Variants in ZFAT observed in about 807,000 individuals in gnomAD.
ZFAT encodes the protein zinc finger protein ZFAT.
ZFAT carries 64 observed loss-of-function variants against 117.7 expected under a neutral mutation model. That is an observed-to-expected ratio of 0.54 (90% CI 0.44 to 0.67). ZFAT has a LOEUF of 0.67. Ranked by LOEUF, ZFAT falls within the 30% of genes least tolerant of loss-of-function variation. ZFAT has a pLI of 0.00. For synonymous variants in ZFAT, 679 were observed against 615.0 expected (o/e 1.10, Z -1.54); for missense variants, 1,433 against 1,584.5 (o/e 0.90, Z 1.62).
At chr8:134,798,005 A>C in the ZFAT span, 1 of 151,758 alleles carries the variant, frequency 6.6e-6, no homozygotes, top group Non-Finnish European at 1.5e-5. Context: ...AAAACACATT[A>C]AAAAAAGTGG....
the ZFAT span, chr8:134,785,658 G>C: frequency 2.7e-5 from 4 of 150,704 alleles, no homozygotes; most frequent in East Asian, 7.7e-4. Context: ...AAGTTCTCAT[G>C]TATCTGTTTC....
At chr8:134,751,491 GA>G in the ZFAT span, among the ~76,000 whole-genome samples, 3 of 152,172 alleles carry the variant, frequency 2.0e-5, no homozygotes, top group Non-Finnish European at 4.4e-5. Context: ...ATGAACTTGT[GA>G]CCAACACTGG....
chr8:134,525,853 T>C (rs1201244726), intron 12 of ZFAT, among the ~76,000 whole-genome samples: 2 of 152,252 alleles, frequency 1.3e-5, no homozygotes, highest in African/African-American at 2.4e-5. Flanking sequence ...ACAGCTCAGA[T>C]GGATGTTTAT....
At chr8:134,699,198 C>A (rs1833949621) in intron 1 of ZFAT, among the ~76,000 whole-genome samples, 1 of 152,100 alleles carries the variant, frequency 6.6e-6, no homozygotes, top group African/African-American at 2.4e-5. Flanking sequence ...GTCAAACCCA[C>A]CACAAGGGCA....
chr8:134,766,296 G>C, the ZFAT span: 1 of 152,220 alleles, frequency 6.6e-6, no homozygotes, highest in African/African-American at 2.4e-5. Flanking sequence ...TAAATGGTCA[G>C]ATGCAAAGGT....
chr8:134,792,138 T>C, the ZFAT span: 1 of 152,352 alleles, frequency 6.6e-6, no homozygotes, highest in Admixed American at 6.5e-5. Context: ...GGAAATAATT[T>C]TGACAAAATT....
intron 1 of ZFAT, among the ~76,000 whole-genome samples, chr8:134,678,693 A>G (rs1832922383): frequency 6.6e-6 from 1 of 152,212 alleles, no homozygotes; most frequent in Non-Finnish European, 1.5e-5. Context: ...AAACTATACT[A>G]CAAGGCTACA....
intron 10 of ZFAT, among the ~76,000 whole-genome samples, chr8:134,566,182 C>G (rs1824447226): frequency 6.6e-6 from 1 of 152,076 alleles, no homozygotes. Context: ...ATCACGAGGT[C>G]AGGAGATCGA....
intron 1 of ZFAT, 138 bp from the exon 2 acceptor site, chr8:134,657,875 A>ACCTC: frequency 1.1e-6 from 1 of 914,206 alleles, no homozygotes. Flanking sequence ...TCTGGCAGTC[A>ACCTC]CCTCCATGGC....
At chr8:134,727,877 A>G in the ZFAT span, among the ~76,000 whole-genome samples, 938 of 152,326 alleles carry the variant, frequency 6.2e-3, 12 homozygotes, top group African/African-American at 0.021. Flanking sequence ...CCCCTAGGTT[A>G]TAGTTTGCCA....
chr8:134,698,636 C>T (rs943150123), intron 1 of ZFAT, among the ~76,000 whole-genome samples: 1 of 152,152 alleles, frequency 6.6e-6, no homozygotes, highest in Non-Finnish European at 1.5e-5. Flanking sequence ...TCAGGTGAAT[C>T]GTCAAAGCCA....
chr8:134,819,509 G>A, the ZFAT span, among the ~76,000 whole-genome samples: 6 of 23,628 alleles, frequency 2.5e-4, no homozygotes, highest in South Asian at 1.0e-3. Context: ...CCCCCCCCCC[G>A]CCCCCCAACA....
At chr8:134,690,316 GT>G (rs1833528224) in intron 1 of ZFAT, among the ~76,000 whole-genome samples, 7 of 152,182 alleles carry the variant, frequency 4.6e-5, no homozygotes, top group Admixed American at 2.0e-4. Flanking sequence ...CCAAGTCCCT[GT>G]CCGCACTGTT....
At chr8:134,815,439 T>G in the ZFAT span, among the ~76,000 whole-genome samples, 1 of 152,352 alleles carries the variant, frequency 6.6e-6, no homozygotes, top group East Asian at 1.9e-4. Context: ...AGTATTTAGT[T>G]TGCTAACGTT....
At chr8:134,625,384 T>C (rs1479761945) in intron 3 of ZFAT, among the ~76,000 whole-genome samples, 1 of 152,164 alleles carries the variant, frequency 6.6e-6, no homozygotes, top group Non-Finnish European at 1.5e-5. Context: ...ACGAGAGAAA[T>C]GCCTATTCCA....
intron 15 of ZFAT, among the ~76,000 whole-genome samples, chr8:134,490,613 T>A (rs1050650900): frequency 1.3e-5 from 2 of 152,230 alleles, no homozygotes; most frequent in African/African-American, 4.8e-5. Flanking sequence ...GGCTACGGAA[T>A]ACAGCGGGCT....
chr8:134,597,292 G>A lies in ZFAT; in HGVS notation c.2475+3144C>T, dbSNP rs190658205. On this transcript the variant is annotated intron_variant, in intron 7 of 15. Coordinates refer to ENST00000377838, the MANE Select transcript of ZFAT (RefSeq NM_020863.4). ...ACAAATGTCTAAACTAAAAATCCTGGAGCCTGTTTTCATAAATCATGCTAT... is the reference window on the plus strand; with the variant it reads ...ACAAATGTCTAAACTAAAAATCCTGAAGCCTGTTTTCATAAATCATGCTAT... Among the ~76,000 whole-genome samples, 642 of 152,158 alleles carry A rather than the reference G, an allele frequency of 4.2e-3. 4 individuals are homozygous for A. The highest frequency in any genetic ancestry group is 6.8e-3 in the Middle Eastern group (2 of 292).
At chr8:134,729,277 G>A in the ZFAT span, among the ~76,000 whole-genome samples, 114,491 of 152,142 alleles carry the variant, frequency 0.75, 44,267 homozygotes, top group Non-Finnish European at 0.85. Context: ...GTAAAATTGG[G>A]AGATGGCTGG....
intron 1 of ZFAT, among the ~76,000 whole-genome samples, chr8:134,682,661 A>T (rs1833126390): frequency 6.6e-6 from 1 of 152,172 alleles, no homozygotes; most frequent in African/African-American, 2.4e-5. Context: ...TCTCAAAAAT[A>T]AAATAAAATT....
Sources: gnomAD v4.1 joint callset for allele counts (sites outside exome capture counted in the v4.1 genomes callset) on GRCh38, gnomAD v4.1.1 for gene constraint, MANE v1.5 for transcripts, NCBI Gene and HGNC (gene_info 2026-07-23, HGNC 2026-07-21) for gene names.